The following PCLO variants were observed in gnomAD, a reference collection of about 807,000 sequenced individuals.
The protein encoded by PCLO is protein piccolo.
PCLO carries 82 observed loss-of-function variants against 427.5 expected under a neutral mutation model. The observed-to-expected ratio is 0.19, with a 90% CI of 0.16 to 0.23. The LOEUF is 0.23. Ranked by LOEUF, PCLO falls within the 10% of genes least tolerant of loss-of-function variation. PCLO has a pLI of 1.00. For synonymous variants in PCLO, 2,357 were observed against 2,155.4 expected, an observed-to-expected ratio of 1.09 and a Z score of -2.59; for missense variants, 6,239 against 6,115.9, an observed-to-expected ratio of 1.02 and a Z score of -0.67.
intron 3 of PCLO, among the ~76,000 whole-genome samples, chr7:83,075,279 A>G (rs1347783992): frequency 6.6e-6 from 1 of 152,114 alleles, no homozygotes; most frequent in East Asian, 1.9e-4. Context: ...TTTTTTATCT[A>G]TGACAACTTT....
intron 22 of PCLO, among the ~76,000 whole-genome samples, chr7:82,783,097 A>G (rs1428712632): frequency 1.3e-5 from 2 of 152,224 alleles, no homozygotes; most frequent in Admixed American, 1.3e-4. Context: ...CTTATAGAAC[A>G]ACCTGAGAAA....
At chr7:83,077,937 A>G (rs1562952713) in intron 3 of PCLO, among the ~76,000 whole-genome samples, 1 of 152,058 alleles carries the variant, frequency 6.6e-6, no homozygotes, top group Non-Finnish European at 1.5e-5. Flanking sequence ...TCCTCTCAAC[A>G]ATTGATTGAT....
At chr7:83,005,836 A>G (rs1787933428) in intron 3 of PCLO, among the ~76,000 whole-genome samples, 2 of 151,682 alleles carry the variant, frequency 1.3e-5, no homozygotes. Context: ...TAGCCAAATT[A>G]TCTATTTAAA....
chr7:82,854,287 G>T (rs978474938), intron 10 of PCLO, among the ~76,000 whole-genome samples: 1 of 151,986 alleles, frequency 6.6e-6, no homozygotes, highest in Admixed American at 6.6e-5. Context: ...CATCCAATCT[G>T]CAGTCTGAAT....
At chr7:83,078,440 A>T (rs368609876) in intron 3 of PCLO, among the ~76,000 whole-genome samples, 2 of 152,232 alleles carry the variant, frequency 1.3e-5, no homozygotes, top group East Asian at 1.9e-4. Flanking sequence ...ACATGGAAGT[A>T]TACTTTTCCA....
chr7:83,094,677 G>GA (rs113418531), intron 3 of PCLO, among the ~76,000 whole-genome samples: 27 of 152,208 alleles, frequency 1.8e-4, no homozygotes, highest in African/African-American at 6.3e-4. Context: ...TCTATTACGA[G>GA]AAAAAAAGCT....
intron 3 of PCLO, among the ~76,000 whole-genome samples, chr7:83,103,361 G>A (rs1790781031): frequency 6.6e-6 from 1 of 151,892 alleles, no homozygotes; most frequent in Admixed American, 6.6e-5. Flanking sequence ...GGGGTAAAGT[G>A]CTTACAACAG....
intron 3 of PCLO, among the ~76,000 whole-genome samples, chr7:82,986,101 A>ACT (rs1796250059): frequency 1.3e-5 from 2 of 151,970 alleles, no homozygotes; most frequent in Admixed American, 1.3e-4. Context: ...GTTACTTAGA[A>ACT]AAGTCATGAA....
In PCLO at chr7:82,755,872, G is replaced by A. The variant is rs1790307988; in HGVS notation, c.*2703C>T. The A allele has an allele frequency of 6.6e-6, 1 of 152,064 alleles. No homozygotes were observed. Among genetic ancestry groups the A allele is most frequent in the Non-Finnish European group, 1.5e-5 (1 of 68,010 alleles). The allele number at this position is 152,064 out of a possible 1,614,324, so 9.4% of individuals were successfully genotyped here. A position where few individuals can be genotyped will look rare whatever the true frequency, so the allele number is the denominator to read the frequency against. On this transcript the variant is annotated 3_prime_UTR_variant, in exon 25 of 25. Coordinates refer to ENST00000333891, the MANE Select transcript of PCLO (RefSeq NM_033026.6). ...AATTCCAGTACAACCTAGAAGTTTG[G>A]TCAGCTGCAAACTTGGCACACTGGC...
At chr7:82,922,100 G>A (rs1479729293) in intron 6 of PCLO, among the ~76,000 whole-genome samples, 1 of 151,870 alleles carries the variant, frequency 6.6e-6, no homozygotes, top group African/African-American at 2.4e-5. Flanking sequence ...ATGTTGACTA[G>A]GTTGTGGAGT....
chr7:82,803,100 C>G (rs1435129801), intron 21 of PCLO, among the ~76,000 whole-genome samples: 1 of 151,564 alleles, frequency 6.6e-6, no homozygotes, highest in Non-Finnish European at 1.5e-5. Flanking sequence ...AAAATTTTAG[C>G]TTATGTAATT....
intron 6 of PCLO, among the ~76,000 whole-genome samples, chr7:82,934,888 T>C (rs1794915774): frequency 6.6e-6 from 1 of 151,592 alleles, no homozygotes. Flanking sequence ...AAATGGCTAA[T>C]TGTTATTATA....
rs1793703247 is a variant in PCLO, at chr7:82,889,298, C to T, written c.13529-9836G>A. On this transcript the variant is annotated intron_variant, in intron 9 of 24. Transcript: ENST00000333891. Reference sequence around the variant, plus strand: ...CAATATGCTTAGCCCTCGCCATAACCCCAGGACAGGCAGGAATCTCTCCCT... The same window carrying T: ...CAATATGCTTAGCCCTCGCCATAACTCCAGGACAGGCAGGAATCTCTCCCT... Among the ~76,000 whole-genome samples the T allele has an allele frequency of 2.6e-5, 4 of 152,008 alleles. No individual in the cohort carries two copies. In the South Asian group the frequency reaches 8.3e-4, roughly 31 times the overall value.
At chr7:83,156,437 G>T in intron 1 of PCLO, 45 bp from the exon 2 acceptor site, 1 of 1,188,622 alleles carries the variant, frequency 8.4e-7, no homozygotes, top group Non-Finnish European at 1.2e-6. Context: ...GAAAATAATG[G>T]AAATTATTTC....
intron 7 of PCLO, among the ~76,000 whole-genome samples, chr7:82,910,475 C>T (rs544908542): frequency 1.3e-5 from 2 of 152,224 alleles, no homozygotes; most frequent in African/African-American, 4.8e-5. Context: ...TACATTAACA[C>T]ATATCTGTTT....
rs980574406 is a variant in PCLO at position 83,066,681 on chromosome 7, T to A, written c.3300+67569A>T. 2.6e-5 allele frequency among the ~76,000 whole-genome samples: 4 copies of A among 152,338 alleles called. No individual in the cohort carries two copies. In the East Asian group the frequency reaches 7.7e-4, roughly 29 times the overall value. On this transcript the variant is annotated intron_variant, in intron 3 of 24. Coordinates refer to ENST00000333891, the MANE Select transcript of PCLO (RefSeq NM_033026.6). Reference sequence around the variant, plus strand: ...TGAAATAGCCATTGAACTTAAATTATGTTGAGAAATGAATAATGTACATTT... The same window carrying A: ...TGAAATAGCCATTGAACTTAAATTAAGTTGAGAAATGAATAATGTACATTT...
intron 8 of PCLO, among the ~76,000 whole-genome samples, chr7:82,906,016 T>C (rs1358258825): frequency 1.4e-5 from 2 of 142,436 alleles, no homozygotes; most frequent in East Asian, 2.0e-4. Flanking sequence ...TATAGATAGA[T>C]AGATAGATAG....
intron 14 of PCLO, among the ~76,000 whole-genome samples, chr7:82,840,289 C>T (rs7779456): frequency 6.6e-6 from 1 of 152,070 alleles, no homozygotes; most frequent in South Asian, 2.1e-4. Context: ...TTCTTAGTAA[C>T]GTGTCAACCT....
intron 22 of PCLO, among the ~76,000 whole-genome samples, chr7:82,783,233 G>A (rs1449205876): frequency 6.6e-6 from 1 of 152,152 alleles, no homozygotes; most frequent in South Asian, 2.1e-4. Context: ...ACATTCTTTG[G>A]TTTTGAGTTT....
Sources: gnomAD v4.1 joint callset for allele counts (sites outside exome capture counted in the v4.1 genomes callset) on GRCh38, gnomAD v4.1.1 for gene constraint, MANE v1.5 for transcripts, NCBI Gene and HGNC (gene_info 2026-07-23, HGNC 2026-07-21) for gene names.